Variants in FAM184A observed in about 807,000 individuals in gnomAD.
FAM184A encodes protein FAM184A.
FAM184A carries 99 observed loss-of-function variants against 143.8 expected under a neutral mutation model. The ratio of observed to expected loss-of-function variants is 0.69; its 90% CI spans 0.58 to 0.81. FAM184A has a LOEUF of 0.81. Among genes scored for constraint, FAM184A ranks in the 40% least tolerant of loss-of-function variants. FAM184A has a pLI of 0.00. For missense variants in FAM184A, 1,217 were observed against 1,310.5 expected (o/e 0.93, Z 1.10); for synonymous variants, 427 against 446.4 (o/e 0.96, Z 0.55).
intron 1 of FAM184A, among the ~76,000 whole-genome samples, chr6:119,118,601 A>G (rs1789122630): frequency 6.6e-6 from 1 of 152,232 alleles, no homozygotes; most frequent in South Asian, 2.1e-4. Flanking sequence ...ATCTCTGAAC[A>G]TAAATTGTGA....
At chr6:118,980,437 A>T (rs1198616545) in intron 9 of FAM184A, 87 bp from the exon 10 acceptor site, 2 of 930,438 alleles carry the variant, frequency 2.1e-6, no homozygotes, top group African/African-American at 3.3e-5. Context: ...CATTTCAAAG[A>T]TATTAATGAT....
chr6:119,035,906 G>C (rs1480491905), intron 1 of FAM184A, among the ~76,000 whole-genome samples: 1 of 152,030 alleles, frequency 6.6e-6, no homozygotes, highest in African/African-American at 2.4e-5. Context: ...CCAAGCTATA[G>C]CCCGACCACC....
At position 119,064,877 on chromosome 6, in the gene FAM184A, A is replaced by G. The variant is rs369316291; in HGVS notation, c.159+13264T>C. 7.2e-5 allele frequency among the ~76,000 whole-genome samples: 11 copies of G among 152,172 alleles called. No individual in the cohort carries two copies. In the East Asian group the frequency reaches 9.6e-4, roughly 13 times the overall value. On this transcript the variant is annotated intron_variant, in intron 1 of 17. Transcript: ENST00000338891. ...TGCTTAAGGCCCCAACCAACTACAC[A>G]TGATTTTAATTACCATCTACATGCT...
chr6:118,981,274 A>C (rs1784013906), intron 9 of FAM184A, among the ~76,000 whole-genome samples: 1 of 152,224 alleles, frequency 6.6e-6, no homozygotes, highest in Non-Finnish European at 1.5e-5. Context: ...TTCTATTCTC[A>C]TACACAGGAT....
At chr6:119,145,089 A>G (rs1290491311) in intron 1 of FAM184A, among the ~76,000 whole-genome samples, 1 of 152,140 alleles carries the variant, frequency 6.6e-6, no homozygotes, top group Admixed American at 6.5e-5. Context: ...CTGTAGCTGC[A>G]GCTGGTTTGT....
At chr6:119,111,168 A>C in intron 1 of FAM184A, among the ~76,000 whole-genome samples, 1 of 152,254 alleles carries the variant, frequency 6.6e-6, no homozygotes, top group East Asian at 1.9e-4. Flanking sequence ...TGTTATATAC[A>C]AACAATATAA....
At chr6:119,080,286 T>G (rs1449597537), upstream of FAM184A, among the ~76,000 whole-genome samples, 2 of 152,224 alleles carry the variant, frequency 1.3e-5, no homozygotes, top group African/African-American at 4.8e-5. Context: ...CCTCAAGTGC[T>G]TCCACTGAAA....
At chr6:119,084,652 T>C (rs1788167246) in intron 1 of FAM184A, among the ~76,000 whole-genome samples, 1 of 152,356 alleles carries the variant, frequency 6.6e-6, no homozygotes, top group South Asian at 2.1e-4. Flanking sequence ...AATGTCCCAG[T>C]GAGGACTCTG....
At chr6:118,974,611 T>G in intron 13 of FAM184A, 37 bp from the exon 14 acceptor site, 1 of 1,536,492 alleles carries the variant, frequency 6.5e-7, no homozygotes, top group Non-Finnish European at 8.8e-7. Flanking sequence ...AATGTTATTC[T>G]GAAGTCAAGC....
Position 119,024,748 on chromosome 6 carries a change from A to G in FAM184A, c.225T>C (p.Ala75=), listed in dbSNP as rs775173893. ...HESAIQALKD[A]HEEEIQQILA... Reference sequence around the variant, plus strand: ...GAATTTGTTGAATTTCTTCTTCATGAGCATCTTTGAGGGCTTGAATTGCAG... The same window carrying G: ...GAATTTGTTGAATTTCTTCTTCATGGGCATCTTTGAGGGCTTGAATTGCAG... The change falls in exon 2 of 18, where the codon GCT becomes GCC. Residue 75 remains alanine, a synonymous_variant. Coordinates refer to ENST00000338891, the MANE Select transcript of FAM184A (RefSeq NM_024581.6). 6 of 1,613,434 alleles carry G rather than the reference A, an allele frequency of 3.7e-6. No individual in the cohort carries two copies. The Admixed American group carries it at 1.0e-4, about 27-fold the overall frequency.
intron 1 of FAM184A, among the ~76,000 whole-genome samples, chr6:119,105,559 A>G (rs535589385): frequency 4.3e-4 from 66 of 152,280 alleles, no homozygotes; most frequent in Non-Finnish European, 6.6e-4. Flanking sequence ...GAGTCAATTA[A>G]ACCTCTTTTC....
At chr6:119,023,564 C>CG (rs1324427094) in intron 2 of FAM184A, among the ~76,000 whole-genome samples, 1 of 112,204 alleles carries the variant, frequency 8.9e-6, no homozygotes, top group Non-Finnish European at 1.8e-5. Context: ...CGCCCCCCCC[C>CG]CCAGGAACAG....
At chr6:118,985,089 T>A (rs1784150919) in intron 9 of FAM184A, among the ~76,000 whole-genome samples, 1 of 152,248 alleles carries the variant, frequency 6.6e-6, no homozygotes, top group South Asian at 2.1e-4. Context: ...CTTGATATAA[T>A]TCACCGTTTT....
At chr6:119,098,736 A>T (rs989418125) in intron 1 of FAM184A, among the ~76,000 whole-genome samples, 1 of 152,208 alleles carries the variant, frequency 6.6e-6, no homozygotes, top group African/African-American at 2.4e-5. Context: ...AACCGTGGTC[A>T]GAGTTCAGTC....
chr6:119,012,406 G>T (rs186556016), intron 5 of FAM184A, among the ~76,000 whole-genome samples: 2 of 152,248 alleles, frequency 1.3e-5, no homozygotes, highest in East Asian at 1.9e-4. Flanking sequence ...AAGACACATG[G>T]GGTGAAGTCT....
At chr6:119,079,804 G>T (rs192267284), upstream of FAM184A, among the ~76,000 whole-genome samples, 43 of 152,286 alleles carry the variant, frequency 2.8e-4, no homozygotes, top group Non-Finnish European at 2.4e-4. Context: ...CAAGGTGAAG[G>T]TTTAATCGGA....
intron 1 of FAM184A, among the ~76,000 whole-genome samples, chr6:119,129,624 A>G (rs754931623): frequency 1.3e-5 from 2 of 151,464 alleles, no homozygotes; most frequent in Non-Finnish European, 2.9e-5. Flanking sequence ...TAATACTGTA[A>G]TTAGAGAAAT....
chr6:118,960,226 C>A, intron 17 of FAM184A, 42 bp from the exon 18 acceptor site: 3 of 1,561,804 alleles, frequency 1.9e-6, no homozygotes, highest in South Asian at 1.1e-5. Flanking sequence ...AGCATTAAGT[C>A]ATTTTGCAAA....
At chr6:119,134,163 A>G (rs1418611802) in intron 1 of FAM184A, among the ~76,000 whole-genome samples, 1 of 152,158 alleles carries the variant, frequency 6.6e-6, no homozygotes, top group Non-Finnish European at 1.5e-5. Context: ...ATTAGTACCT[A>G]GAATATAAAA....
Sources: gnomAD v4.1 joint callset for allele counts (sites outside exome capture counted in the v4.1 genomes callset) on GRCh38, gnomAD v4.1.1 for gene constraint, MANE v1.5 for transcripts, NCBI Gene and HGNC (gene_info 2026-07-23, HGNC 2026-07-21) for gene names.